Variants in TMEM167A observed in about 807,000 individuals in gnomAD.
TMEM167A encodes transmembrane protein 167A.
A neutral mutation model predicts 11.6 loss-of-function variants in TMEM167A; 8 were observed. The ratio of observed to expected loss-of-function variants is 0.69; its 90% CI spans 0.40 to 1.24. TMEM167A has a LOEUF of 1.24. Ranked by LOEUF, TMEM167A falls within the 50% of genes most tolerant of loss-of-function variation. The pLI is 0.01. For synonymous variants in TMEM167A, 22 were observed against 28.0 expected (o/e 0.79, Z 0.67); for missense variants, 62 against 87.0 (o/e 0.71, Z 1.14).
Position 83,056,154 on chromosome 5 carries a change from A to T in TMEM167A, c.*930T>A, listed in dbSNP as rs575928094. The T allele has an allele frequency of 6.6e-6, 1 of 152,182 alleles. No homozygotes were observed. Among genetic ancestry groups the T allele is most frequent in the African/African-American group, 2.4e-5 (1 of 41,570 alleles). The allele number at this position is 152,182 out of a possible 1,614,324, so 9.4% of individuals were successfully genotyped here. ...TATTTATCACCTCCAAAGTAACAAA[A>T]GAGATTCCAGTTCAAGTTGACAAAA... On this transcript the variant is annotated 3_prime_UTR_variant, in exon 4 of 4. Transcript: ENST00000502346.
In TMEM167A at chr5:83,055,615, T is replaced by C. The variant is rs1744317812; in HGVS notation, c.*1469A>G. On this transcript the variant is annotated 3_prime_UTR_variant, in exon 4 of 4. Transcript: ENST00000502346. ...AACAAAAAATCCCCAGATAACAAAA[T>C]ACAGAAAATCAAACCAAAACCAAAA... is the stretch of plus-strand genomic sequence containing the variant. The C allele has an allele frequency of 6.6e-6, 1 of 151,252 alleles. No individual in the cohort carries two copies. Among genetic ancestry groups the C allele is most frequent in the Non-Finnish European group, 1.5e-5 (1 of 67,744 alleles). The allele number at this position is 151,252 out of a possible 1,614,324, so 9.4% of individuals were successfully genotyped here. A position where few individuals can be genotyped will look rare whatever the true frequency, so the allele number is the denominator to read the frequency against.
In TMEM167A at chr5:83,053,910, A is replaced by G. The variant is rs924339106; in HGVS notation, c.*3174T>C. 3.9e-5 allele frequency: 6 copies of G among 151,992 alleles called. No individual in the cohort carries two copies. The highest frequency in any genetic ancestry group is 1.2e-4 in the African/African-American group (5 of 41,414). The allele number at this position is 151,992 out of a possible 1,614,324, so 9.4% of individuals were successfully genotyped here. On this transcript the variant is annotated 3_prime_UTR_variant, in exon 4 of 4. Coordinates refer to ENST00000502346, the MANE Select transcript of TMEM167A (RefSeq NM_174909.5). ...CTTCATCTCTTTCACCTAGTGCACT[A>G]TGAATTACTACGAGGAAGAATCTGT... is the stretch of plus-strand genomic sequence containing the variant.
chr5:83,062,101 C>T (rs1352617926), intron 2 of TMEM167A, 190 bp from the exon 3 acceptor site: 1 of 518,468 alleles, frequency 1.9e-6, no homozygotes, highest in Non-Finnish European at 3.5e-6. Flanking sequence ...AATGACATAT[C>T]AACCATCAAT....
At chr5:83,069,534 T>C (rs1169815923) in intron 1 of TMEM167A, among the ~76,000 whole-genome samples, 1 of 152,116 alleles carries the variant, frequency 6.6e-6, no homozygotes, top group Non-Finnish European at 1.5e-5. Flanking sequence ...CTATTGAGTT[T>C]TGCACATGCT....
chr5:83,062,287 G>C (rs1248980915), intron 2 of TMEM167A, among the ~76,000 whole-genome samples: 1 of 152,210 alleles, frequency 6.6e-6, no homozygotes, highest in African/African-American at 2.4e-5. Context: ...AATGTTAAAT[G>C]AACATTTTTT....
Position 83,077,114 on chromosome 5 carries a change from T to C in TMEM167A, c.3+207A>G, listed in dbSNP as rs28383109. Among the ~76,000 whole-genome samples the C allele has an allele frequency of 7.2e-5, 11 of 152,318 alleles. No individual in the cohort carries two copies. In the East Asian group the frequency reaches 1.5e-3, roughly 21 times the overall value. ...CTAAACAAAGTAGGAAAGCGGACTT[T>C]GCATGAGGGGCGGGCTGCCGACCCA... On this transcript the variant is annotated intron_variant, in intron 1 of 3. Transcript: ENST00000502346.
At chr5:83,059,927 G>C (rs2112239355) in intron 3 of TMEM167A, among the ~76,000 whole-genome samples, 1 of 150,706 alleles carries the variant, frequency 6.6e-6, no homozygotes, top group Non-Finnish European at 1.5e-5. Context: ...ACTTATCTAG[G>C]GTATATCTGT....
At chr5:83,061,987 G>C in intron 2 of TMEM167A, 76 bp from the exon 3 acceptor site, 1 of 1,207,346 alleles carries the variant, frequency 8.3e-7, no homozygotes. Flanking sequence ...ATATCATATA[G>C]GGAATTAATT....
rs1744278914 is a variant in TMEM167A, at chr5:83,052,894, A to T, written c.*4190T>A. 1 of 151,978 alleles carries T rather than the reference A, an allele frequency of 6.6e-6. No homozygotes were observed. The allele number at this position is 151,978 out of a possible 1,614,324, so 9.4% of individuals were successfully genotyped here. On this transcript the variant is annotated 3_prime_UTR_variant, in exon 4 of 4. Coordinates refer to ENST00000502346, the MANE Select transcript of TMEM167A (RefSeq NM_174909.5). Reference sequence around the variant, plus strand: ...TTACACACTAGACATATATGAACTAATCAGAGATGTGCATGATTCTCTGTA... The same window carrying T: ...TTACACACTAGACATATATGAACTATTCAGAGATGTGCATGATTCTCTGTA...
At chr5:83,057,538 A>G (rs1287707160) in intron 3 of TMEM167A, among the ~76,000 whole-genome samples, 1 of 152,044 alleles carries the variant, frequency 6.6e-6, no homozygotes, top group East Asian at 1.9e-4. Context: ...AAAAGAACAA[A>G]ACTTCCATCC....
intron 1 of TMEM167A, among the ~76,000 whole-genome samples, chr5:83,066,923 C>T (rs1262504556): frequency 6.6e-6 from 1 of 152,138 alleles, no homozygotes; most frequent in Non-Finnish European, 1.5e-5. Context: ...TCTGTTTCCC[C>T]TTTGACCTTC....
rs146954918 is a variant in TMEM167A, at chr5:83,057,139, G to A, written c.164C>T (p.Pro55Leu). The change falls in exon 4 of 4, where the codon CCT becomes CTT. Residue 55 changes from proline (P) to leucine (L), a missense_variant. Physicochemically the swap from Pro to Leu is moderately conservative, Grantham distance 98. Coordinates refer to ENST00000502346, the MANE Select transcript of TMEM167A (RefSeq NM_174909.5). ...TACTATACAGCATACTGCAACATAAGGACTCTTCCGTTCACCTGTTGAAAA... is the reference window on the plus strand; with the variant it reads ...TACTATACAGCATACTGCAACATAAAGACTCTTCCGTTCACCTGTTGAAAA... ...KCARIGERKS[P>L]YVAVCCIVMA... 3.7e-6 allele frequency: 6 copies of A among 1,611,874 alleles called. No homozygotes were observed. The highest frequency in any genetic ancestry group is 2.2e-5 in the East Asian group (1 of 44,848).
At chr5:83,057,395 G>C (rs566850031) in intron 3 of TMEM167A, among the ~76,000 whole-genome samples, 1 of 152,050 alleles carries the variant, frequency 6.6e-6, no homozygotes, top group Non-Finnish European at 1.5e-5. Context: ...AGAAAACCTC[G>C]AAAGCATCAT....
intron 2 of TMEM167A, 145 bp from the exon 3 acceptor site, chr5:83,062,056 T>C (rs540694715): frequency 1.6e-6 from 1 of 628,034 alleles, no homozygotes; most frequent in South Asian, 2.1e-5. Context: ...CCTTATTTGA[T>C]GTTGAGCCAC....
In TMEM167A at chr5:83,063,298, T is replaced by C. The variant is rs146246833; in HGVS notation, c.114-1387A>G. Among the ~76,000 whole-genome samples, 11 of 152,218 alleles carry C rather than the reference T, an allele frequency of 7.2e-5. No individual in the cohort carries two copies. In the East Asian group the frequency reaches 1.4e-3, roughly 19 times the overall value. On this transcript the variant is annotated intron_variant, in intron 2 of 3. Coordinates refer to ENST00000502346, the MANE Select transcript of TMEM167A (RefSeq NM_174909.5). ...TCAAAGGGTTGTTATGAGGATGAAA[T>C]GAGTGATTACACGGAAAGTCCTTAG...
chr5:83,061,877 C>T lies in TMEM167A; in HGVS notation c.148G>A (p.Gly50Ser), dbSNP rs376567619. 2 of 1,612,344 alleles carry T rather than the reference C, an allele frequency of 1.2e-6. No homozygotes were observed. The highest frequency in any genetic ancestry group is 8.5e-7 in the Non-Finnish European group (1 of 1,178,710). The stretch of plus-strand genomic sequence containing the variant: ...ATGGAGGGAGATTATAGACACTTAC[C>T]AATTCTGGCACACTTCCAAAATATA... ...LGIFWKCARI[G>S]ERKSPYVAVC... is the part of the protein sequence containing the mutation. The change falls in exon 3 of 4, where the codon GGT (glycine) becomes AGT (serine). Residue 50 changes from glycine to serine, a missense_variant and splice_region_variant. Gly to Ser is a moderately conservative substitution (Grantham distance 56). Transcript: ENST00000502346.
chr5:83,064,716 T>C (rs992180691), intron 2 of TMEM167A, among the ~76,000 whole-genome samples: 2 of 152,096 alleles, frequency 1.3e-5, no homozygotes, highest in African/African-American at 2.4e-5. Flanking sequence ...AGATGGAGTA[T>C]TATCATAAAA....
intron 3 of TMEM167A, among the ~76,000 whole-genome samples, chr5:83,060,483 C>CTT (rs751358106): frequency 7.3e-6 from 1 of 136,956 alleles, no homozygotes; most frequent in African/African-American, 2.7e-5. Flanking sequence ...TGTCTGGAGT[C>CTT]TTTTTTTTTT....
chr5:83,068,254 A>T (rs1481586740), intron 1 of TMEM167A, among the ~76,000 whole-genome samples: 1 of 152,076 alleles, frequency 6.6e-6, no homozygotes, highest in Non-Finnish European at 1.5e-5. Context: ...GTGGGGATTA[A>T]AAAAAAGGCA....
Sources: allele counts gnomAD v4.1 joint callset (sites outside exome capture counted in the v4.1 genomes callset), GRCh38; gene constraint gnomAD v4.1.1; transcripts MANE v1.5; gene names NCBI Gene and HGNC (gene_info 2026-07-23, HGNC 2026-07-21).